LTBP1: variants seen among roughly 807,000 people sequenced by gnomAD.
LTBP1 encodes latent transforming growth factor beta binding protein 1, also known as latent-transforming growth factor beta-binding protein 1.
In LTBP1, 129 loss-of-function variants were observed where a neutral mutation model predicts 207.6. The observed-to-expected ratio is 0.62, with a 90% CI of 0.54 to 0.72. The LOEUF is 0.72. Ranked by LOEUF, LTBP1 falls within the 30% of genes least tolerant of loss-of-function variation. LTBP1 has a pLI of 0.00. For missense variants in LTBP1, 2,281 were observed against 2,217.2 expected (o/e 1.03, Z -0.58); for synonymous variants, 963 against 833.7 (o/e 1.16, Z -2.67).
intron 3 of LTBP1, among the ~76,000 whole-genome samples, chr2:33,078,206 C>T (rs2078188412): frequency 6.6e-6 from 1 of 152,090 alleles, no homozygotes; most frequent in Non-Finnish European, 1.5e-5. Context: ...ATCACAGAGC[C>T]AATATTATTA....
chr2:33,075,060 A>G (rs1242998755), intron 3 of LTBP1, among the ~76,000 whole-genome samples: 1 of 152,188 alleles, frequency 6.6e-6, no homozygotes, highest in Non-Finnish European at 1.5e-5. Context: ...CAAAAAACAA[A>G]ACAAAACAAA....
At position 33,021,136 on chromosome 2, in the gene LTBP1, C is replaced by A. The variant is rs753800925; in HGVS notation, c.793C>A (p.Pro265Thr). Residue 265 changes from proline to threonine, a missense_variant, in exon 3 of 34, where the codon CCT becomes ACT. Coordinates refer to ENST00000404816, the MANE Select transcript of LTBP1 (RefSeq NM_206943.4). ...GGCAGACACTCTACCAAGAGTCAGC[C>A]CTGTGGCCCAGATGACCTTAACCCT... The part of the protein sequence containing the change: ...KKADTLPRVS[P>T]VAQMTLTLKP... 6.2e-7 allele frequency: 1 copy of A among 1,613,738 alleles called. No individual in the cohort carries two copies. Among genetic ancestry groups the A allele is most frequent in the East Asian group, 2.2e-5 (1 of 44,876 alleles).
rs763947924 is a variant in LTBP1, at chr2:33,275,041, C to T, written c.2820C>T (p.Cys940=). Residue 940 remains cysteine, a synonymous_variant, in exon 17 of 34, where the codon TGC becomes TGT. Coordinates refer to ENST00000404816, the MANE Select transcript of LTBP1 (RefSeq NM_206943.4). ...RCENTEGSFL[C]ICPAGFMASE... The stretch of plus-strand genomic sequence containing the variant: ...AAAACACCGAGGGAAGTTTCTTGTG[C>T]ATTTGCCCAGCAGGATTTATGGCCA... The T allele has an allele frequency of 6.2e-7, 1 of 1,614,060 alleles. No homozygotes were observed. The highest frequency in any genetic ancestry group is 8.5e-7 in the Non-Finnish European group (1 of 1,179,934).
chr2:33,068,366 A>T (rs1366697729), intron 3 of LTBP1, among the ~76,000 whole-genome samples: 1 of 152,132 alleles, frequency 6.6e-6, no homozygotes, highest in African/African-American at 2.4e-5. Context: ...CCAAATGTGC[A>T]CAGCTTCTTC....
intron 3 of LTBP1, among the ~76,000 whole-genome samples, chr2:33,065,751 C>T (rs2077478259): frequency 6.6e-6 from 1 of 152,256 alleles, no homozygotes; most frequent in Middle Eastern, 3.4e-3. Flanking sequence ...TTCCTGTATA[C>T]TTTGAAGAGT....
intron 4 of LTBP1, among the ~76,000 whole-genome samples, chr2:33,113,486 G>A (rs74969557): frequency 6.6e-6 from 1 of 152,220 alleles, no homozygotes; most frequent in Non-Finnish European, 1.5e-5. Context: ...TAGATAGAGA[G>A]AAACTAACCA....
chr2:33,352,049 G>A (rs1425251360), intron 26 of LTBP1, among the ~76,000 whole-genome samples: 1 of 152,194 alleles, frequency 6.6e-6, no homozygotes, highest in Admixed American at 6.5e-5. Flanking sequence ...TTTTCTTCCA[G>A]GGTGTCTTGT....
chr2:32,957,783 A>C (rs1423870135), intron 2 of LTBP1, among the ~76,000 whole-genome samples: 1 of 152,208 alleles, frequency 6.6e-6, no homozygotes, highest in Non-Finnish European at 1.5e-5. Flanking sequence ...TGTGAAGTGC[A>C]GTAAAGTGAA....
intron 2 of LTBP1, among the ~76,000 whole-genome samples, chr2:32,975,849 C>T (rs1053324887): frequency 6.6e-6 from 1 of 151,954 alleles, no homozygotes; most frequent in Admixed American, 6.6e-5. Context: ...TCAACTTTCT[C>T]CTGAATCTCC....
At chr2:33,177,066 C>A (rs1212388213) in intron 5 of LTBP1, among the ~76,000 whole-genome samples, 1 of 152,092 alleles carries the variant, frequency 6.6e-6, no homozygotes, top group Non-Finnish European at 1.5e-5. Context: ...AAATAACTTA[C>A]CCAATGTCCT....
intron 2 of LTBP1, among the ~76,000 whole-genome samples, chr2:33,016,958 A>G (rs1339905438): frequency 6.6e-6 from 1 of 152,236 alleles, no homozygotes; most frequent in Non-Finnish European, 1.5e-5. Flanking sequence ...CAGAAGTTGC[A>G]GTGAGTCAAG....
intron 9 of LTBP1, among the ~76,000 whole-genome samples, chr2:33,233,405 G>C (rs6730208): frequency 0.83 from 126,761 of 152,124 alleles, 53,057 homozygotes; most frequent in East Asian, 1. Context: ...GTTTTATATT[G>C]TTTAAGTATT....
Position 33,183,049 on chromosome 2 carries a change from A to G in LTBP1, c.1202-3807A>G, listed in dbSNP as rs140408077. 2.0e-3 allele frequency among the ~76,000 whole-genome samples: 297 copies of G among 152,260 alleles called. 1 individual carries two copies. The highest frequency in any genetic ancestry group is 6.9e-3 in the African/African-American group (286 of 41,548). On this transcript the variant is annotated intron_variant, in intron 5 of 33. Coordinates refer to ENST00000404816, the MANE Select transcript of LTBP1 (RefSeq NM_206943.4). ...TTTCAACATGTTTGCTTTTCATTGTATAACTGATGATATAGAGTATTTCTT... is the reference window on the plus strand; with the variant it reads ...TTTCAACATGTTTGCTTTTCATTGTGTAACTGATGATATAGAGTATTTCTT...
intron 3 of LTBP1, among the ~76,000 whole-genome samples, chr2:33,108,680 ATAGGAGC>A: frequency 6.6e-6 from 1 of 152,236 alleles, no homozygotes; most frequent in South Asian, 2.1e-4. Flanking sequence ...CCTTTCCTGA[ATAGGAGC>A]TAGCCTGTAC....
chr2:33,218,503 T>A (rs548759239), intron 8 of LTBP1, among the ~76,000 whole-genome samples: 2 of 152,240 alleles, frequency 1.3e-5, no homozygotes, highest in Non-Finnish European at 2.9e-5. Flanking sequence ...TTCAAGTGAT[T>A]CTCCTGCTTC....
At chr2:33,148,615 T>G (rs2083247553) in intron 5 of LTBP1, among the ~76,000 whole-genome samples, 1 of 152,212 alleles carries the variant, frequency 6.6e-6, no homozygotes, top group Admixed American at 6.5e-5. Flanking sequence ...ATACCTAGCT[T>G]CTTTCTCTTA....
intron 2 of LTBP1, among the ~76,000 whole-genome samples, chr2:32,963,399 T>C (rs985285313): frequency 2.0e-5 from 3 of 150,102 alleles, no homozygotes; most frequent in African/African-American, 7.4e-5. Flanking sequence ...TTTGTAGAGG[T>C]GAGGTCTCGC....
At chr2:32,988,045 G>A (rs1184539850) in intron 2 of LTBP1, among the ~76,000 whole-genome samples, 5 of 152,180 alleles carry the variant, frequency 3.3e-5, no homozygotes, top group African/African-American at 1.2e-4. Context: ...AAGTGTCACA[G>A]CCACAAGCCA....
chr2:33,013,553 T>C (rs1687956907), intron 2 of LTBP1, among the ~76,000 whole-genome samples: 1 of 152,216 alleles, frequency 6.6e-6, no homozygotes, highest in African/African-American at 2.4e-5. Context: ...TAGATAGATA[T>C]TTTAACTTTT....
Sources: gnomAD v4.1 joint callset for allele counts (sites outside exome capture counted in the v4.1 genomes callset) on GRCh38, gnomAD v4.1.1 for gene constraint, MANE v1.5 for transcripts, NCBI Gene and HGNC (gene_info 2026-07-23, HGNC 2026-07-21) for gene names.